ATP6V0D1: variants seen among roughly 807,000 people sequenced by gnomAD.
The protein encoded by ATP6V0D1 is V-type proton ATPase subunit d 1.
A neutral mutation model predicts 39.0 loss-of-function variants in ATP6V0D1; 13 were observed. That is an observed-to-expected ratio of 0.33 (90% CI 0.22 to 0.53). The LOEUF is 0.53. ATP6V0D1 is among the 20% of genes least tolerant of loss of function. The pLI is 0.94. For synonymous variants in ATP6V0D1, 191 were observed against 191.2 expected, an observed-to-expected ratio of 1.00 and a Z score of 0.01; for missense variants, 272 against 470.9, an observed-to-expected ratio of 0.58 and a Z score of 3.91.
At position 67,453,850 on chromosome 16, in the gene ATP6V0D1, C is replaced by T; in HGVS notation, c.131-135G>A. 1.2e-6 allele frequency: 1 copy of T among 821,550 alleles called. No homozygotes were observed. The highest frequency in any genetic ancestry group is 1.7e-5 in the South Asian group (1 of 57,796). The allele number at this position is 821,550 out of a possible 1,614,324, so 50.9% of individuals were successfully genotyped here. ...CCGCTACTACCCTGATCTCCATCTCCCTGTTGGCTCAGGGCCTACCACAGG... is the reference window on the plus strand; with the variant it reads ...CCGCTACTACCCTGATCTCCATCTCTCTGTTGGCTCAGGGCCTACCACAGG... On this transcript the variant is annotated intron_variant, in intron 1 of 7. Coordinates refer to ENST00000290949, the MANE Select transcript of ATP6V0D1 (RefSeq NM_004691.5). The surrounding 1 kb of genome is among the most constrained non-coding windows in gnomAD (Gnocchi z 4.1).
chr16:67,452,991 G>A (rs1262637330), intron 2 of ATP6V0D1, among the ~76,000 whole-genome samples: 3 of 152,176 alleles, frequency 2.0e-5, no homozygotes, highest in Admixed American at 6.5e-5. Context: ...GCAGCTAGAC[G>A]TTCAGCCTGC....
intron 1 of ATP6V0D1, among the ~76,000 whole-genome samples, chr16:67,459,651 G>A (rs912994544): frequency 6.6e-6 from 1 of 152,180 alleles, no homozygotes; most frequent in Non-Finnish European, 1.5e-5. Context: ...CCCTGCCCCC[G>A]CCCACTTCCT....
At chr16:67,469,085 G>A (rs923052457) in intron 1 of ATP6V0D1, among the ~76,000 whole-genome samples, 1 of 152,130 alleles carries the variant, frequency 6.6e-6, no homozygotes, top group African/African-American at 2.4e-5. Context: ...CAAGGCAGGT[G>A]GATCACAAGG....
chr16:67,453,450 G>A lies in ATP6V0D1; in HGVS notation c.302+94C>T, dbSNP rs568277176. 51 of 1,463,502 alleles carry A rather than the reference G, an allele frequency of 3.5e-5. No individual in the cohort carries two copies. The East Asian group carries it at 3.9e-4, about 11-fold the overall frequency. 90.7% of individuals were successfully genotyped at this position (1,463,502 alleles called of 1,614,324 possible). A position where few individuals can be genotyped will look rare whatever the true frequency, so the allele number is the denominator to read the frequency against. The stretch of plus-strand genomic sequence containing the variant: ...CAGCTCTGACAGCTGACACAGGCAC[G>A]AAGGCAGCTAGCCTAAGCCACACTG... On this transcript the variant is annotated intron_variant, in intron 2 of 7. Coordinates refer to ENST00000290949, the MANE Select transcript of ATP6V0D1 (RefSeq NM_004691.5). The surrounding 1 kb of genome is among the most constrained non-coding windows in gnomAD (Gnocchi z 4.1).
At position 67,444,749 on chromosome 16, in the gene ATP6V0D1, G is replaced by A; in HGVS notation, c.303-43C>T. 1 of 1,524,448 alleles carries A rather than the reference G, an allele frequency of 6.6e-7. No individual in the cohort carries two copies. The allele number at this position is 1,524,448 out of a possible 1,614,324, so 94.4% of individuals were successfully genotyped here. A position where few individuals can be genotyped will look rare whatever the true frequency, so the allele number is the denominator to read the frequency against. The stretch of plus-strand genomic sequence containing the variant: ...TAGCAAGGAGCCCATCAAGGTGGGG[G>A]CCGGGAAGTCCTGGCATAGCACCAT... On this transcript the variant is annotated intron_variant, in intron 2 of 7. Transcript: ENST00000290949. This position sits in a 1 kb window ranked among gnomAD's most constrained non-coding sequence, Gnocchi z 4.8.
At chr16:67,445,250 A>T (rs2041101850) in intron 2 of ATP6V0D1, among the ~76,000 whole-genome samples, 1 of 152,124 alleles carries the variant, frequency 6.6e-6, no homozygotes, top group Non-Finnish European at 1.5e-5. Context: ...GGGCTGCAGC[A>T]GGCGGGGGGC....
Position 67,453,817 on chromosome 16 carries a change from G to T in ATP6V0D1, c.131-102C>A. 1 of 1,145,372 alleles carries T rather than the reference G, an allele frequency of 8.7e-7. No homozygotes were observed. Among genetic ancestry groups the T allele is most frequent in the Non-Finnish European group, 1.3e-6 (1 of 794,712 alleles). 71.0% of individuals were successfully genotyped at this position (1,145,372 alleles called of 1,614,324 possible). A position where few individuals can be genotyped will look rare whatever the true frequency, so the allele number is the denominator to read the frequency against. On this transcript the variant is annotated intron_variant, in intron 1 of 7. Coordinates refer to ENST00000290949, the MANE Select transcript of ATP6V0D1 (RefSeq NM_004691.5). This position sits in a 1 kb window ranked among gnomAD's most constrained non-coding sequence, Gnocchi z 4.1. ...AACTCAGCCCCAGCTCTCCCCTGCA[G>T]TTGTGTCCCGCTACTACCCTGATCT...
chr16:67,472,045 G>A (rs2041377583), intron 1 of ATP6V0D1, among the ~76,000 whole-genome samples: 1 of 152,106 alleles, frequency 6.6e-6, no homozygotes, highest in South Asian at 2.1e-4. Context: ...TCATGACAGC[G>A]AGATGCCAAA....
chr16:67,457,608 T>G lies in ATP6V0D1; in HGVS notation c.131-3893A>C, dbSNP rs1332577988. On this transcript the variant is annotated intron_variant, in intron 1 of 7. Transcript: ENST00000290949. ...AGCACTGTCACTGGACTGTCATCAC[T>G]CAGGGACAAGTCCCTCTGGCATCCC... 13 of 1,289,428 alleles carry G rather than the reference T, an allele frequency of 1.0e-5. No homozygotes were observed. The Admixed American group carries it at 2.1e-4, about 21-fold the overall frequency. The allele number at this position is 1,289,428 out of a possible 1,614,324, so 79.9% of individuals were successfully genotyped here. A position where few individuals can be genotyped will look rare whatever the true frequency, so the allele number is the denominator to read the frequency against.
At chr16:67,454,850 C>T (rs139985971) in intron 1 of ATP6V0D1, 2 of 152,450 alleles carry the variant, frequency 1.3e-5, no homozygotes, top group South Asian at 2.1e-4. Context: ...CCCCCATGCT[C>T]ACTATCCCCA....
At position 67,453,812 on chromosome 16, in the gene ATP6V0D1, C is replaced by T; in HGVS notation, c.131-97G>A. The T allele has an allele frequency of 8.1e-7, 1 of 1,232,856 alleles. No homozygotes were observed. The highest frequency in any genetic ancestry group is 1.4e-5 in the South Asian group (1 of 73,500). 76.4% of individuals were successfully genotyped at this position (1,232,856 alleles called of 1,614,324 possible). On this transcript the variant is annotated intron_variant, in intron 1 of 7. Coordinates refer to ENST00000290949, the MANE Select transcript of ATP6V0D1 (RefSeq NM_004691.5). The surrounding 1 kb of genome is among the most constrained non-coding windows in gnomAD (Gnocchi z 4.1). ...ACCCCAACTCAGCCCCAGCTCTCCCCTGCAGTTGTGTCCCGCTACTACCCT... is the reference window on the plus strand; with the variant it reads ...ACCCCAACTCAGCCCCAGCTCTCCCTTGCAGTTGTGTCCCGCTACTACCCT...
At chr16:67,473,005 C>T (rs1208811837) in intron 1 of ATP6V0D1, among the ~76,000 whole-genome samples, 1 of 152,166 alleles carries the variant, frequency 6.6e-6, no homozygotes, top group African/African-American at 2.4e-5. Flanking sequence ...CCTTCCTGAG[C>T]AATATGTCCT....
Position 67,481,081 on chromosome 16 carries a change from C to T in ATP6V0D1, c.6G>A (p.Ser2=). The T allele has an allele frequency of 1.9e-6, 3 of 1,614,068 alleles. No individual in the cohort carries two copies. The highest frequency in any genetic ancestry group is 2.2e-5 in the South Asian group (2 of 91,082). Residue 2 remains serine, a synonymous_variant, in exon 1 of 8, where the codon TCG becomes TCA. Coordinates refer to ENST00000290949, the MANE Select transcript of ATP6V0D1 (RefSeq NM_004691.5). ...CGTTAAAGTAAAGCTCCGGGAAGAA[C>T]GACATGGCTGCTGCGGGAGCGGCGG... The part of the protein sequence containing the change: M[S]FFPELYFNVD...
intron 1 of ATP6V0D1, among the ~76,000 whole-genome samples, chr16:67,475,506 C>CT (rs2041407618): frequency 1.3e-5 from 2 of 152,354 alleles, no homozygotes; most frequent in East Asian, 3.9e-4. Flanking sequence ...CGATCTAACT[C>CT]TCTGGCTGAG....
At chr16:67,463,488 T>A (rs2041305323) in intron 1 of ATP6V0D1, among the ~76,000 whole-genome samples, 1 of 148,636 alleles carries the variant, frequency 6.7e-6, no homozygotes, top group African/African-American at 2.5e-5. Context: ...CATGCCACTG[T>A]CCTCCAGCCT....
intron 1 of ATP6V0D1, among the ~76,000 whole-genome samples, chr16:67,472,814 G>A (rs370999259): frequency 6.6e-6 from 1 of 152,152 alleles, no homozygotes; most frequent in African/African-American, 2.4e-5. Flanking sequence ...AGCTTGCAAT[G>A]AGCCAAGATC....
chr16:67,441,745 G>C (rs370070346), intron 4 of ATP6V0D1: 1 of 152,204 alleles, frequency 6.6e-6, no homozygotes, highest in African/African-American at 2.4e-5. Context: ...CTGAGCCTTC[G>C]GTTTCCCCAT....
intron 4 of ATP6V0D1, chr16:67,440,186 A>C (rs1011695654): frequency 1.3e-5 from 2 of 152,308 alleles, no homozygotes; most frequent in Non-Finnish European, 2.9e-5. Context: ...CAGAGCAGGA[A>C]CAAAATTGTC....
intron 1 of ATP6V0D1, 47 bp downstream of exon 1, chr16:67,480,910 C>G (rs376705798): frequency 6.2e-7 from 1 of 1,608,042 alleles, no homozygotes; most frequent in Non-Finnish European, 8.5e-7. Context: ...TCTGAACCCT[C>G]AGGCCCCGGA....
Sources: allele counts gnomAD v4.1 joint callset (sites outside exome capture counted in the v4.1 genomes callset), GRCh38; gene constraint gnomAD v4.1.1; non-coding constraint Gnocchi (gnomAD v3.1); transcripts MANE v1.5; gene names NCBI Gene and HGNC (gene_info 2026-07-23, HGNC 2026-07-21).